The following FRMD4A variants were observed in gnomAD, a reference collection of about 807,000 sequenced individuals.
FRMD4A encodes the protein FERM domain containing 4A, also known as FERM domain-containing protein 4A.
FRMD4A carries 29 observed loss-of-function variants against 129.1 expected under a neutral mutation model. The ratio of observed to expected loss-of-function variants is 0.22; its 90% CI spans 0.17 to 0.31. The LOEUF (loss-of-function observed/expected upper bound fraction) is 0.31, where lower values mean the gene tolerates loss of function less well. Ranked by LOEUF, FRMD4A falls within the 10% of genes least tolerant of loss-of-function variation. The pLI is 1.00. For synonymous variants in FRMD4A, 634 were observed against 571.6 expected (o/e 1.11, Z -1.56); for missense variants, 1,272 against 1,375.8 (o/e 0.92, Z 1.19).
intron 16 of FRMD4A, among the ~76,000 whole-genome samples, chr10:13,673,312 A>G (rs1564575145): frequency 6.6e-6 from 1 of 152,210 alleles, no homozygotes; most frequent in African/African-American, 2.4e-5. Context: ...TCCGGTTTAA[A>G]TCAATCCAGA....
intron 12 of FRMD4A, 59 bp from the exon 13 acceptor site, chr10:13,707,172 C>T: frequency 9.9e-7 from 1 of 1,007,656 alleles, no homozygotes; most frequent in South Asian, 1.3e-5. Flanking sequence ...GGCCATCTTC[C>T]CCTCTCTGCT....
intron 2 of FRMD4A, among the ~76,000 whole-genome samples, chr10:14,088,717 C>A (rs1040447573): frequency 1.5e-5 from 2 of 137,114 alleles, no homozygotes; most frequent in South Asian, 4.7e-4. Flanking sequence ...ACCCAGGAGG[C>A]GGAGCTTGCC....
Position 13,670,592 on chromosome 10 carries a change from A to C in FRMD4A, c.1252-64T>G, listed in dbSNP as rs76442842. ...AGAGTGGGGCGTGTCTGCTTCCTAGAACACACACACACGCACATACACGCA... is the reference window on the plus strand; with the variant it reads ...AGAGTGGGGCGTGTCTGCTTCCTAGCACACACACACACGCACATACACGCA... On this transcript the variant is annotated intron_variant, in intron 16 of 24. Transcript: ENST00000357447. 7.6e-3 allele frequency: 11,937 copies of C among 1,563,402 alleles called. 293 individuals are homozygous for C. The highest frequency in any genetic ancestry group is 0.053 in the African/African-American group (3,916 of 73,956).
chr10:13,865,269 G>A (rs1460687451), intron 2 of FRMD4A, among the ~76,000 whole-genome samples: 5 of 152,134 alleles, frequency 3.3e-5, no homozygotes, highest in Admixed American at 6.5e-5. Flanking sequence ...TACCTGGTAC[G>A]AAGTATATAC....
intron 2 of FRMD4A, among the ~76,000 whole-genome samples, chr10:13,964,979 T>TG (rs2095476122): frequency 6.6e-6 from 1 of 151,852 alleles, no homozygotes; most frequent in South Asian, 2.1e-4. Flanking sequence ...CCACTGCGCC[T>TG]GGCCAACTAA....
chr10:13,923,025 A>G (rs573211994), intron 2 of FRMD4A, among the ~76,000 whole-genome samples: 17 of 152,364 alleles, frequency 1.1e-4, no homozygotes, highest in African/African-American at 4.1e-4. Flanking sequence ...TGCTCAGTCC[A>G]TAATGATAAC....
At chr10:14,075,835 T>C (rs767091824) in intron 2 of FRMD4A, among the ~76,000 whole-genome samples, 3 of 152,208 alleles carry the variant, frequency 2.0e-5, no homozygotes, top group Non-Finnish European at 2.9e-5. Flanking sequence ...CATCTGATGA[T>C]ATTTCTGCAT....
At chr10:14,039,934 T>C (rs371243452) in intron 2 of FRMD4A, among the ~76,000 whole-genome samples, 117 of 152,356 alleles carry the variant, frequency 7.7e-4, no homozygotes, top group African/African-American at 2.7e-3. Context: ...TTCATATATG[T>C]ATGTATGTGA....
intron 2 of FRMD4A, chr10:14,074,846 G>A (rs1835491815): frequency 6.6e-6 from 1 of 152,180 alleles, no homozygotes; most frequent in Non-Finnish European, 1.5e-5. Flanking sequence ...GGTGGATTGG[G>A]TGATGGGAGG....
chr10:14,175,370 G>T (rs1841681176), intron 2 of FRMD4A, among the ~76,000 whole-genome samples: 3 of 152,074 alleles, frequency 2.0e-5, no homozygotes, highest in Admixed American at 6.6e-5. Context: ...GCTGGTCCCA[G>T]GCCCCTGCCT....
chr10:14,264,485 A>T lies in FRMD4A; in HGVS notation c.45+65573T>A, dbSNP rs74125608. Reference sequence around the variant, plus strand: ...CCAATGACCCATTTATTGCCAAAACAATGCATTAATTCAATCAACAGATAC... The same window carrying T: ...CCAATGACCCATTTATTGCCAAAACTATGCATTAATTCAATCAACAGATAC... On this transcript the variant is annotated intron_variant, in intron 2 of 24. Coordinates refer to ENST00000357447, the MANE Select transcript of FRMD4A (RefSeq NM_018027.5). Among the ~76,000 whole-genome samples the T allele has an allele frequency of 3.8e-3, 580 of 152,362 alleles. 4 individuals are homozygous for T. Among genetic ancestry groups the T allele is most frequent in the African/African-American group, 0.014 (562 of 41,596 alleles).
At chr10:13,990,425 G>C (rs1190498180) in intron 2 of FRMD4A, among the ~76,000 whole-genome samples, 3 of 152,186 alleles carry the variant, frequency 2.0e-5, no homozygotes, top group Non-Finnish European at 4.4e-5. Flanking sequence ...GTCCTGGCCT[G>C]TCTTGTCTGT....
intron 2 of FRMD4A, among the ~76,000 whole-genome samples, chr10:14,200,440 C>T (rs1317303060): frequency 6.6e-6 from 1 of 152,042 alleles, no homozygotes; most frequent in African/African-American, 2.4e-5. Flanking sequence ...ACCACAGGCA[C>T]CCCCACCTTG....
At chr10:14,028,614 C>A (rs572889106) in intron 2 of FRMD4A, among the ~76,000 whole-genome samples, 2 of 152,148 alleles carry the variant, frequency 1.3e-5, no homozygotes, top group East Asian at 3.9e-4. Context: ...AAGGGACTAA[C>A]AAAACTTGCT....
rs148698284 is a variant in FRMD4A, at chr10:14,130,056, G to A, written c.45+200002C>T. On this transcript the variant is annotated intron_variant, in intron 2 of 24. Coordinates refer to ENST00000357447, the MANE Select transcript of FRMD4A (RefSeq NM_018027.5). ...GTATTCTGGCTGCCGCAGCGCTTGC[G>A]GGCCTGCTTTGCTCTCCAGCCCAAG... 7.5e-3 allele frequency among the ~76,000 whole-genome samples: 1,145 copies of A among 152,160 alleles called. 8 individuals carry two copies. The highest frequency in any genetic ancestry group is 0.013 in the Non-Finnish European group (876 of 68,004).
In FRMD4A at chr10:14,327,712, C is replaced by T. The variant is rs148258307; in HGVS notation, c.45+2346G>A. On this transcript the variant is annotated intron_variant, in intron 2 of 24. Transcript: ENST00000357447. ...CATCTCCCCACCTACCCCTTAGCCC[C>T]GATGACTCCATAGCACAAAATCAGA... is the stretch of plus-strand genomic sequence containing the variant. Among the ~76,000 whole-genome samples, 46 of 152,324 alleles carry T rather than the reference C, an allele frequency of 3.0e-4. No individual in the cohort carries two copies. The East Asian group carries it at 4.6e-3, about 15-fold the overall frequency.
intron 12 of FRMD4A, among the ~76,000 whole-genome samples, chr10:13,730,325 A>T (rs2090235306): frequency 6.6e-6 from 1 of 152,194 alleles, no homozygotes; most frequent in African/African-American, 2.4e-5. Context: ...ATGCCTCAAC[A>T]GATAGCATTT....
intron 19 of FRMD4A, among the ~76,000 whole-genome samples, chr10:13,661,036 GA>G (rs542238342): frequency 2.2e-4 from 33 of 152,118 alleles, no homozygotes; most frequent in Non-Finnish European, 4.4e-4. Flanking sequence ...GGTTGGAGAA[GA>G]AAAAATGAAT....
intron 2 of FRMD4A, among the ~76,000 whole-genome samples, chr10:14,127,968 T>TTCTCTCTCTCTCTC (rs1440627660): frequency 3.0e-5 from 1 of 33,612 alleles, no homozygotes; most frequent in African/African-American, 1.3e-4. Context: ...CTTTCTTTCT[T>TTCTCTCTCTCTCTC]TCTTTCTTTC....
Sources: allele counts gnomAD v4.1 joint callset (sites outside exome capture counted in the v4.1 genomes callset), GRCh38; gene constraint gnomAD v4.1.1; transcripts MANE v1.5; gene names NCBI Gene and HGNC (gene_info 2026-07-23, HGNC 2026-07-21).